The following TENM3 variants were observed in gnomAD, a reference collection of about 807,000 sequenced individuals.
TENM3 encodes teneurin-3.
TENM3 carries 63 observed loss-of-function variants against 255.1 expected under a neutral mutation model. The observed-to-expected ratio is 0.25, with a 90% CI of 0.20 to 0.30. The LOEUF (loss-of-function observed/expected upper bound fraction) is 0.30, where lower values mean the gene tolerates loss of function less well. Among genes scored for constraint, TENM3 ranks in the 10% least tolerant of loss-of-function variants. The probability of loss-of-function intolerance (pLI) is 1.00; values close to 1 mark genes in which losing one functional copy is unlikely to be tolerated. For synonymous variants in TENM3, 1,306 were observed against 1,322.3 expected (o/e 0.99, Z 0.27); for missense variants, 2,929 against 3,461.1 (o/e 0.85, Z 3.86).
rs372287883 is a variant in TENM3 at position 182,789,197 on chromosome 4, G to A, written c.5409G>A (p.Thr1803=). 309 of 1,613,106 alleles carry A rather than the reference G, an allele frequency of 1.9e-4. No homozygotes were observed. Among genetic ancestry groups the A allele is most frequent in the Non-Finnish European group, 2.4e-4 (284 of 1,179,536 alleles). ...TTCTACTGAGGATCGCCTACGACAC[G>A]TCTGGGCACCCGACTCTCTGGCTGC... ...RKFLLRIAYD[T]SGHPTLWLPS... The change falls in exon 25 of 28, where the codon ACG becomes ACA. Residue 1803 remains threonine (T), a synonymous_variant. Transcript: ENST00000511685. This position sits in a 1 kb window ranked among gnomAD's most constrained non-coding sequence, Gnocchi z 4.4.
At chr4:181,846,366 T>A in the TENM3 span, among the ~76,000 whole-genome samples, 1 of 152,148 alleles carries the variant, frequency 6.6e-6, no homozygotes, top group African/African-American at 2.4e-5. Context: ...TAGAAACAGC[T>A]TGTTTGTAGG....
chr4:182,666,927 G>A (rs1754741072), intron 6 of TENM3, among the ~76,000 whole-genome samples: 1 of 151,894 alleles, frequency 6.6e-6, no homozygotes, highest in Non-Finnish European at 1.5e-5. Flanking sequence ...TAATGCTATT[G>A]CACACTTAGT....
At chr4:182,346,447 G>T (rs1487462153) in intron 2 of TENM3, among the ~76,000 whole-genome samples, 1 of 152,092 alleles carries the variant, frequency 6.6e-6, no homozygotes, top group Non-Finnish European at 1.5e-5. Flanking sequence ...GGAGCTCTAA[G>T]TTGGGGCCCC....
intron 11 of TENM3, among the ~76,000 whole-genome samples, chr4:182,684,855 A>G (rs1036862887): frequency 2.0e-5 from 3 of 152,236 alleles, no homozygotes; most frequent in Non-Finnish European, 4.4e-5. Context: ...ATAAAACTAC[A>G]TGAAATCTTG....
At position 182,274,862 on chromosome 4, in the gene TENM3, C is replaced by T. The variant is rs538398400; in HGVS notation, c.-76+31386C>T. 2.7e-4 allele frequency among the ~76,000 whole-genome samples: 41 copies of T among 152,178 alleles called. No homozygotes were observed. The East Asian group carries it at 4.8e-3, about 18-fold the overall frequency. On this transcript the variant is annotated intron_variant, in intron 1 of 27. Coordinates refer to ENST00000511685, the MANE Select transcript of TENM3 (RefSeq NM_001080477.4). Reference sequence around the variant, plus strand: ...ATTTTGAGATGGAGTCTTGCTCTGTCGCCCAGGCTAGGGTACAGTGGTGCC... The same window carrying T: ...ATTTTGAGATGGAGTCTTGCTCTGTTGCCCAGGCTAGGGTACAGTGGTGCC...
the TENM3 span, among the ~76,000 whole-genome samples, chr4:182,073,125 T>G: frequency 0.38 from 57,638 of 152,106 alleles, 12,736 homozygotes; most frequent in East Asian, 0.58. Flanking sequence ...GAGAGGCCTC[T>G]GGAAACTTAC....
the TENM3 span, among the ~76,000 whole-genome samples, chr4:181,869,137 T>C: frequency 6.6e-5 from 10 of 152,122 alleles, no homozygotes; most frequent in African/African-American, 2.4e-4. Context: ...AAACCATTTC[T>C]TTACATTTAG....
chr4:182,422,870 G>A (rs1024969557), intron 3 of TENM3, among the ~76,000 whole-genome samples: 1 of 151,956 alleles, frequency 6.6e-6, no homozygotes, highest in African/African-American at 2.4e-5. Flanking sequence ...TATTATTGTT[G>A]CCCCCTTCTT....
the TENM3 span, among the ~76,000 whole-genome samples, chr4:181,544,945 A>C: frequency 6.6e-6 from 1 of 152,240 alleles, no homozygotes; most frequent in Non-Finnish European, 1.5e-5. Flanking sequence ...ATATGCAGCT[A>C]GAAGCAGATG....
the TENM3 span, among the ~76,000 whole-genome samples, chr4:181,719,394 C>T: frequency 3.3e-5 from 5 of 152,104 alleles, no homozygotes; most frequent in African/African-American, 1.2e-4. Context: ...GTACCACAAA[C>T]TGGGTGGCTT....
the TENM3 span, among the ~76,000 whole-genome samples, chr4:181,523,595 T>C: frequency 6.6e-6 from 1 of 152,090 alleles, no homozygotes; most frequent in Non-Finnish European, 1.5e-5. Context: ...ATTCTCTGGG[T>C]GTCACTTTTC....
At chr4:182,454,800 A>C (rs1349561465) in intron 3 of TENM3, among the ~76,000 whole-genome samples, 16 of 152,326 alleles carry the variant, frequency 1.1e-4, no homozygotes, top group Non-Finnish European at 2.9e-5. Flanking sequence ...AGTATTGTTC[A>C]ATAAGAGGAA....
the TENM3 span, among the ~76,000 whole-genome samples, chr4:181,630,193 C>T: frequency 1.3e-5 from 2 of 152,162 alleles, no homozygotes; most frequent in Admixed American, 6.5e-5. Context: ...ATCCCCTTTA[C>T]CATTTTTTAT....
intron 3 of TENM3, among the ~76,000 whole-genome samples, chr4:182,418,144 T>TG (rs1438133057): frequency 2.6e-5 from 4 of 152,096 alleles, no homozygotes; most frequent in African/African-American, 9.7e-5. Context: ...AAAATACTGG[T>TG]GAAAAAAAAG....
At chr4:181,542,499 T>C in the TENM3 span, among the ~76,000 whole-genome samples, 2 of 152,182 alleles carry the variant, frequency 1.3e-5, no homozygotes, top group African/African-American at 4.8e-5. Flanking sequence ...GGTTACCTGT[T>C]AATATTGCAG....
At chr4:181,534,486 T>A in the TENM3 span, among the ~76,000 whole-genome samples, 193 of 150,120 alleles carry the variant, frequency 1.3e-3, no homozygotes, top group African/African-American at 4.6e-3. Flanking sequence ...CACAGAAAAA[T>A]ACCTTTGTTT....
In TENM3 at chr4:182,802,098, A is replaced by G. The variant is rs1433410730; in HGVS notation, c.*1747A>G. 1.3e-5 allele frequency: 2 copies of G among 152,674 alleles called. No individual in the cohort carries two copies. Among genetic ancestry groups the G allele is most frequent in the Non-Finnish European group, 2.9e-5 (2 of 68,044 alleles). 9.5% of individuals were successfully genotyped at this position (152,674 alleles called of 1,614,324 possible). On this transcript the variant is annotated 3_prime_UTR_variant, in exon 28 of 28. Transcript: ENST00000511685. Reference sequence around the variant, plus strand: ...CTGCTTTGTATGTATCACATACTCTAAATTGCACAGTAGGCGTGTTTATTA... The same window carrying G: ...CTGCTTTGTATGTATCACATACTCTGAATTGCACAGTAGGCGTGTTTATTA...
chr4:182,522,613 T>A (rs1738699153), intron 3 of TENM3, among the ~76,000 whole-genome samples: 1 of 152,224 alleles, frequency 6.6e-6, no homozygotes, highest in African/African-American at 2.4e-5. Flanking sequence ...CTTTAAGTTC[T>A]AGGATACATG....
chr4:182,437,029 CAAA>C (rs34721873), intron 3 of TENM3, among the ~76,000 whole-genome samples: 41 of 136,688 alleles, frequency 3.0e-4, no homozygotes, highest in Non-Finnish European at 3.8e-4. Flanking sequence ...ACTCCGCCTC[CAAA>C]AAAAAAAAAA....
Sources: gnomAD v4.1 joint callset for allele counts (sites outside exome capture counted in the v4.1 genomes callset) on GRCh38, gnomAD v4.1.1 for gene constraint, Gnocchi (gnomAD v3.1) non-coding constraint, MANE v1.5 for transcripts, NCBI Gene and HGNC (gene_info 2026-07-23, HGNC 2026-07-21) for gene names.